CDH20: variants seen among roughly 807,000 people sequenced by gnomAD.
CDH20 encodes cadherin-20.
CDH20 carries 29 observed loss-of-function variants against 74.2 expected under a neutral mutation model. The observed-to-expected ratio is 0.39, with a 90% CI of 0.29 to 0.53. The LOEUF is 0.53. CDH20 is among the 20% of genes least tolerant of loss of function. The pLI is 0.69. For missense variants in CDH20, 988 were observed against 1,048.3 expected (o/e 0.94, Z 0.79); for synonymous variants, 469 against 405.4 (o/e 1.16, Z -1.88).
At chr18:61,399,776 A>G (rs554217959) in intron 1 of CDH20, among the ~76,000 whole-genome samples, 1 of 152,306 alleles carries the variant, frequency 6.6e-6, no homozygotes, top group South Asian at 2.1e-4. Flanking sequence ...TGAGTCTATA[A>G]CAAATTGCAT....
chr18:61,410,870 G>A (rs545497470), intron 1 of CDH20, among the ~76,000 whole-genome samples: 1 of 152,274 alleles, frequency 6.6e-6, no homozygotes, highest in South Asian at 2.1e-4. Context: ...TAGAACTCAT[G>A]AAGAAAATGA....
intron 1 of CDH20, among the ~76,000 whole-genome samples, chr18:61,338,580 T>C (rs1357259238): frequency 6.6e-6 from 1 of 152,174 alleles, no homozygotes; most frequent in African/African-American, 2.4e-5. Context: ...AATATGTCAT[T>C]GAATAACCAC....
chr18:61,349,475 T>G (rs532299785), intron 1 of CDH20, among the ~76,000 whole-genome samples: 1 of 152,332 alleles, frequency 6.6e-6, no homozygotes, highest in South Asian at 2.1e-4. Flanking sequence ...AATGAATGTT[T>G]CCTACAGATT....
rs537457737 is a variant in CDH20, at chr18:61,469,412, T to C, written c.-152-20990T>C. Among the ~76,000 whole-genome samples, 7 of 150,956 alleles carry C rather than the reference T, an allele frequency of 4.6e-5. No individual in the cohort carries two copies. In the East Asian group the frequency reaches 1.4e-3, roughly 29 times the overall value. On this transcript the variant is annotated intron_variant, in intron 1 of 11. Coordinates refer to ENST00000262717, the MANE Select transcript of CDH20 (RefSeq NM_031891.4). ...ACACACACACACACACACCCCTATATAAATAACATTATTTTAGAAATACAG... is the reference window on the plus strand; with the variant it reads ...ACACACACACACACACACCCCTATACAAATAACATTATTTTAGAAATACAG...
intron 1 of CDH20, among the ~76,000 whole-genome samples, chr18:61,390,785 A>G (rs1204345981): frequency 6.6e-6 from 1 of 151,432 alleles, no homozygotes; most frequent in East Asian, 1.9e-4. Context: ...TGGTTATTCA[A>G]GACAATTGCC....
At chr18:61,426,860 G>T (rs1397376523) in intron 1 of CDH20, among the ~76,000 whole-genome samples, 1 of 152,158 alleles carries the variant, frequency 6.6e-6, no homozygotes, top group African/African-American at 2.4e-5. Flanking sequence ...AGTATCCCTG[G>T]TAATCTCTGT....
chr18:61,369,233 G>A (rs780546616), intron 1 of CDH20, among the ~76,000 whole-genome samples: 39 of 152,092 alleles, frequency 2.6e-4, no homozygotes, highest in Non-Finnish European at 4.4e-4. Context: ...TGATTTATCC[G>A]AGGTCAAATA....
Position 61,505,585 on chromosome 18 carries a change from C to T in CDH20, c.830-1788C>T, listed in dbSNP as rs75343539. The stretch of plus-strand genomic sequence containing the variant: ...TCCTGGGCTCAAATCATCTGCCTTC[C>T]TCAGGCTCCCAAGGTGCTGATATTA... On this transcript the variant is annotated intron_variant, in intron 5 of 11. Coordinates refer to ENST00000262717, the MANE Select transcript of CDH20 (RefSeq NM_031891.4). 3.5e-3 allele frequency among the ~76,000 whole-genome samples: 530 copies of T among 152,248 alleles called. 4 individuals carry two copies. The highest frequency in any genetic ancestry group is 0.012 in the African/African-American group (491 of 41,550).
intron 10 of CDH20, among the ~76,000 whole-genome samples, chr18:61,546,860 A>AT (rs1913267304): frequency 1.3e-5 from 2 of 152,122 alleles, no homozygotes; most frequent in Non-Finnish European, 2.9e-5. Flanking sequence ...CCAAATGACA[A>AT]TTTATCTCAC....
chr18:61,496,437 C>T (rs1911164540), intron 2 of CDH20, among the ~76,000 whole-genome samples: 2 of 151,446 alleles, frequency 1.3e-5, no homozygotes, highest in African/African-American at 4.9e-5. Flanking sequence ...CGCCCTCCCC[C>T]AGACCCTTCT....
chr18:61,425,199 G>A (rs1913030766), intron 1 of CDH20, among the ~76,000 whole-genome samples: 1 of 152,172 alleles, frequency 6.6e-6, no homozygotes, highest in African/African-American at 2.4e-5. Context: ...TAAAGTCCTA[G>A]AGAGGCTTAT....
intron 2 of CDH20, among the ~76,000 whole-genome samples, chr18:61,498,399 CAAAAAAAAAAAAAA>C (rs55721858): frequency 6.9e-6 from 1 of 145,408 alleles, no homozygotes; most frequent in African/African-American, 2.5e-5. Flanking sequence ...AACTCTGTCT[CAAAAAAAAAAAAAA>C]AAAAAAAAAA....
intron 1 of CDH20, among the ~76,000 whole-genome samples, chr18:61,478,776 A>G (rs943148112): frequency 2.0e-5 from 3 of 152,186 alleles, no homozygotes; most frequent in Admixed American, 2.0e-4. Flanking sequence ...GTGGCAATAA[A>G]GAACGGGGGA....
chr18:61,401,403 G>T (rs556625728), intron 1 of CDH20, among the ~76,000 whole-genome samples: 201 of 152,246 alleles, frequency 1.3e-3, no homozygotes, highest in African/African-American at 4.5e-3. Context: ...CGTTTTTGTT[G>T]TTGTTGCTGT....
intron 1 of CDH20, among the ~76,000 whole-genome samples, chr18:61,461,185 G>C (rs2109542): frequency 0.094 from 14,242 of 151,924 alleles, 742 homozygotes; most frequent in Middle Eastern, 0.19. Context: ...TATTACTCAC[G>C]AGTATTCTAT....
intron 1 of CDH20, among the ~76,000 whole-genome samples, chr18:61,335,177 A>G (rs1190278511): frequency 6.6e-6 from 1 of 152,144 alleles, no homozygotes; most frequent in Non-Finnish European, 1.5e-5. Flanking sequence ...CCATCTTGAG[A>G]GTTGACCCAG....
chr18:61,491,761 C>T (rs1205005043), intron 2 of CDH20, among the ~76,000 whole-genome samples: 1 of 152,124 alleles, frequency 6.6e-6, no homozygotes, highest in East Asian at 1.9e-4. Flanking sequence ...TTCATTGCTT[C>T]TCAAGACCTC....
At chr18:61,389,250 T>C (rs753430573) in intron 1 of CDH20, among the ~76,000 whole-genome samples, 12 of 152,188 alleles carry the variant, frequency 7.9e-5, no homozygotes, top group African/African-American at 1.4e-4. Flanking sequence ...TTTATCCCAA[T>C]TGGCTCATTT....
intron 1 of CDH20, among the ~76,000 whole-genome samples, chr18:61,462,730 G>T (rs536038350): frequency 1.4e-5 from 2 of 144,996 alleles, no homozygotes; most frequent in African/African-American, 5.0e-5. Flanking sequence ...AAAAAGGGGG[G>T]GGGGGCATCT....
Sources: allele counts gnomAD v4.1 joint callset (sites outside exome capture counted in the v4.1 genomes callset), GRCh38; gene constraint gnomAD v4.1.1; transcripts MANE v1.5; gene names NCBI Gene and HGNC (gene_info 2026-07-23, HGNC 2026-07-21).